DTWD2: variants seen among roughly 807,000 people sequenced by gnomAD.
DTWD2 encodes tRNA-uridine aminocarboxypropyltransferase 2.
Under a neutral mutation model 31.8 loss-of-function variants are expected in DTWD2, and 39 were observed. The observed-to-expected ratio is 1.22, with a 90% CI of 0.95 to 1.60. The LOEUF is 1.60. Ranked by LOEUF, DTWD2 falls within the 40% of genes most tolerant of loss-of-function variation. The pLI is 0.00. For missense variants in DTWD2, 515 were observed against 381.5 expected (o/e 1.35, Z -2.92); for synonymous variants, 180 against 142.8 (o/e 1.26, Z -1.86).
Position 118,836,624 on chromosome 5 carries a change from A to G in DTWD2, c.*4293T>C, listed in dbSNP as rs1322735818. 6.6e-6 allele frequency among the ~76,000 whole-genome samples: 1 copy of G among 152,214 alleles called. No individual in the cohort carries two copies. The highest frequency in any genetic ancestry group is 6.5e-5 in the Admixed American group (1 of 15,276). ...GAGTACAGGAGTTGCTATGGTCTGA[A>G]TATTTGTGTCCCCACAAAACTCACA... On this transcript the variant is annotated 3_prime_UTR_variant, in exon 6 of 6. Coordinates refer to ENST00000510708, the MANE Select transcript of DTWD2 (RefSeq NM_173666.4).
intron 1 of DTWD2, among the ~76,000 whole-genome samples, chr5:118,984,098 C>G (rs1262147846): frequency 6.6e-6 from 1 of 152,164 alleles, no homozygotes; most frequent in Admixed American, 6.5e-5. Flanking sequence ...ACCAGCCTGA[C>G]CAACATGGAG....
chr5:118,870,077 G>C (rs535785049), intron 4 of DTWD2, among the ~76,000 whole-genome samples: 163 of 152,234 alleles, frequency 1.1e-3, no homozygotes, highest in African/African-American at 3.9e-3. Flanking sequence ...GCTTCCTGAA[G>C]CTTGCCCTCC....
chr5:118,858,849 T>G (rs750825964), intron 4 of DTWD2, among the ~76,000 whole-genome samples: 1 of 152,212 alleles, frequency 6.6e-6, no homozygotes, highest in South Asian at 2.1e-4. Flanking sequence ...TTTCAAACTA[T>G]GATCCAAACA....
intron 4 of DTWD2, among the ~76,000 whole-genome samples, chr5:118,917,960 C>CA (rs1009438240): frequency 0.018 from 2,546 of 138,122 alleles, 41 homozygotes; most frequent in African/African-American, 0.044. Context: ...GCAAGACTCT[C>CA]AAAAAAAAAA....
At chr5:118,864,429 C>T (rs1752337806) in intron 4 of DTWD2, among the ~76,000 whole-genome samples, 1 of 150,150 alleles carries the variant, frequency 6.7e-6, no homozygotes, top group African/African-American at 2.5e-5. Flanking sequence ...ATACCTAATG[C>T]TAAATGACGA....
intron 1 of DTWD2, among the ~76,000 whole-genome samples, chr5:118,951,687 GAGA>G (rs1272405923): frequency 3.9e-5 from 6 of 152,140 alleles, no homozygotes; most frequent in Non-Finnish European, 8.8e-5. Flanking sequence ...CAGGCTAAGG[GAGA>G]AGAAGGAGGA....
intron 1 of DTWD2, among the ~76,000 whole-genome samples, chr5:118,964,780 C>T (rs1261253971): frequency 6.6e-6 from 1 of 152,140 alleles, no homozygotes; most frequent in Non-Finnish European, 1.5e-5. Flanking sequence ...GGCGTGATCT[C>T]GGCTCGCTAC....
intron 4 of DTWD2, among the ~76,000 whole-genome samples, chr5:118,882,695 A>G (rs563148330): frequency 2.0e-4 from 30 of 152,382 alleles, no homozygotes; most frequent in African/African-American, 7.0e-4. Context: ...GCACCCTCTG[A>G]AACAATGTTC....
intron 1 of DTWD2, among the ~76,000 whole-genome samples, chr5:118,945,799 A>G (rs933857168): frequency 6.6e-6 from 1 of 151,790 alleles, no homozygotes; most frequent in Admixed American, 6.6e-5. Flanking sequence ...AGAAAGAAAG[A>G]AAGAAAGAAA....
intron 4 of DTWD2, among the ~76,000 whole-genome samples, chr5:118,869,556 G>A (rs985020538): frequency 5.3e-5 from 8 of 152,166 alleles, no homozygotes; most frequent in Non-Finnish European, 1.0e-4. Context: ...AACAAGAGCT[G>A]CTCTCTTTAT....
chr5:118,879,397 G>C (rs1328768705), intron 4 of DTWD2, among the ~76,000 whole-genome samples: 3 of 152,050 alleles, frequency 2.0e-5, no homozygotes, highest in African/African-American at 7.2e-5. Context: ...GACTTTGGGA[G>C]GTCAAGAGTT....
chr5:118,930,501 G>A (rs1252694727), intron 3 of DTWD2, among the ~76,000 whole-genome samples: 1 of 151,888 alleles, frequency 6.6e-6, no homozygotes, highest in Non-Finnish European at 1.5e-5. Context: ...AGATTCGTCA[G>A]AGAATTGAGG....
intron 1 of DTWD2, among the ~76,000 whole-genome samples, chr5:118,970,566 T>G (rs1754962171): frequency 6.6e-6 from 1 of 152,082 alleles, no homozygotes; most frequent in African/African-American, 2.4e-5. Context: ...AAAACATACT[T>G]CAGGATCTCA....
chr5:118,893,809 G>T (rs564210988), intron 4 of DTWD2, among the ~76,000 whole-genome samples: 7 of 152,090 alleles, frequency 4.6e-5, no homozygotes, highest in African/African-American at 1.7e-4. Flanking sequence ...TCTAGAATCC[G>T]GGAACAGCCA....
At chr5:118,963,301 G>C (rs892043476) in intron 1 of DTWD2, among the ~76,000 whole-genome samples, 1 of 152,222 alleles carries the variant, frequency 6.6e-6, no homozygotes, top group East Asian at 1.9e-4. Context: ...GCTGGACCTT[G>C]AAATAGAGTA....
chr5:118,878,817 T>C (rs1274540236), intron 4 of DTWD2, among the ~76,000 whole-genome samples: 1 of 151,954 alleles, frequency 6.6e-6, no homozygotes, highest in East Asian at 1.9e-4. Context: ...AAAAATCCTA[T>C]TAAAAAGTGG....
At chr5:118,884,931 G>A (rs1752824008) in intron 4 of DTWD2, among the ~76,000 whole-genome samples, 1 of 146,618 alleles carries the variant, frequency 6.8e-6, no homozygotes, top group African/African-American at 2.6e-5. Context: ...AGGAGGCGGA[G>A]CTTGCAGTGA....
chr5:118,904,156 T>C (rs1201443793), intron 4 of DTWD2, among the ~76,000 whole-genome samples: 5 of 152,120 alleles, frequency 3.3e-5, no homozygotes, highest in Admixed American at 6.5e-5. Context: ...AGACCACCTA[T>C]GCTGTCACAG....
At chr5:118,922,989 C>A (rs1350570907) in intron 4 of DTWD2, among the ~76,000 whole-genome samples, 1 of 151,942 alleles carries the variant, frequency 6.6e-6, no homozygotes, top group African/African-American at 2.4e-5. Flanking sequence ...TTTTTTTTAA[C>A]CAGCACATTG....
Sources: allele counts gnomAD v4.1 joint callset (sites outside exome capture counted in the v4.1 genomes callset), GRCh38; gene constraint gnomAD v4.1.1; transcripts MANE v1.5; gene names NCBI Gene and HGNC (gene_info 2026-07-23, HGNC 2026-07-21).